The following PLCL2 variants were observed in gnomAD, a reference collection of about 807,000 sequenced individuals.
The protein encoded by PLCL2 is phospholipase C like 2, also known as inactive phospholipase C-like protein 2.
In PLCL2, 4 loss-of-function variants were observed where a neutral mutation model predicts 79.6. The observed-to-expected ratio is 0.05, with a 90% CI of 0.02 to 0.11. PLCL2 has a LOEUF of 0.11. PLCL2 is among the 10% of genes least tolerant of loss of function. The probability of loss-of-function intolerance (pLI) is 1.00; values close to 1 mark genes in which losing one functional copy is unlikely to be tolerated. For synonymous variants in PLCL2, 484 were observed against 457.7 expected, an observed-to-expected ratio of 1.06 and a Z score of -0.73; for missense variants, 895 against 1,291.0, an observed-to-expected ratio of 0.69 and a Z score of 4.70.
chr3:16,933,431 T>C (rs1697457480), intron 1 of PLCL2: 1 of 153,734 alleles, frequency 6.5e-6, no homozygotes, highest in South Asian at 2.0e-4. Context: ...AAATATGAAA[T>C]ATACTAACAA....
At position 16,885,092 on chromosome 3, in the gene PLCL2, C is replaced by T. The variant is rs1306459289; in HGVS notation, c.53C>T (p.Pro18Leu). Residue 18 changes from proline (P) to leucine (L), a missense_variant, in exon 1 of 6, where the codon CCG becomes CTG. Pro to Leu is a moderately conservative substitution (Grantham distance 98). This residue lies in a region of PLCL2 where 110 missense variants were observed against 42.9 expected (regional missense o/e 2.56). Coordinates refer to ENST00000615277, the MANE Select transcript of PLCL2 (RefSeq NM_001144382.2). ...GCCGGCGGGGCCCTGCCCACCTCCC[C>T]GGGCCCGGCCCTCGGCGCCAAGGGC... ...GAAGGALPTS[P>L]GPALGAKGAL... The T allele has an allele frequency of 2.3e-6, 1 of 432,948 alleles. No homozygotes were observed. Among genetic ancestry groups the T allele is most frequent in the African/African-American group, 2.1e-5 (1 of 48,464 alleles). The allele number at this position is 432,948 out of a possible 1,614,324, so 26.8% of individuals were successfully genotyped here.
chr3:16,917,486 A>G (rs1362440380), intron 1 of PLCL2, among the ~76,000 whole-genome samples: 1 of 152,186 alleles, frequency 6.6e-6, no homozygotes, highest in East Asian at 1.9e-4. Flanking sequence ...TGGGGCTTCA[A>G]CTAGCTGTGG....
At chr3:17,070,556 G>T (rs2065051882) in intron 5 of PLCL2, among the ~76,000 whole-genome samples, 1 of 152,202 alleles carries the variant, frequency 6.6e-6, no homozygotes, top group African/African-American at 2.4e-5. Flanking sequence ...AGTGAGGCAT[G>T]AGGAAGAATT....
At chr3:16,956,737 T>G (rs963235162) in intron 1 of PLCL2, among the ~76,000 whole-genome samples, 1 of 152,230 alleles carries the variant, frequency 6.6e-6, no homozygotes. Flanking sequence ...GAGATTCAAC[T>G]TCTTCCTGGT....
In PLCL2 at chr3:16,969,405, G is replaced by A. The variant is rs112580228; in HGVS notation, c.328-40269G>A. 7.5e-3 allele frequency among the ~76,000 whole-genome samples: 1,136 copies of A among 151,798 alleles called. 20 individuals are homozygous for A. The highest frequency in any genetic ancestry group is 0.026 in the African/African-American group (1,081 of 41,434). On this transcript the variant is annotated intron_variant, in intron 1 of 5. Coordinates refer to ENST00000615277, the MANE Select transcript of PLCL2 (RefSeq NM_001144382.2). ...TTCTAGTTCGTAGGCTTTTTATTAC[G>A]AATTCAGTTTTGGAACTTCTTTGGT...
chr3:16,983,644 A>G (rs190714880), intron 1 of PLCL2, among the ~76,000 whole-genome samples: 47 of 152,324 alleles, frequency 3.1e-4, no homozygotes, highest in African/African-American at 1.1e-3. Context: ...TCTCAAAAAA[A>G]CAAAAAAAGA....
At chr3:16,902,826 CA>C (rs777160871) in intron 1 of PLCL2, among the ~76,000 whole-genome samples, 10,237 of 73,308 alleles carry the variant, frequency 0.14, 765 homozygotes, top group African/African-American at 0.26. Context: ...CACTCCATCT[CA>C]AAAAAAAAAA....
chr3:16,966,844 T>C (rs987652594), intron 1 of PLCL2, among the ~76,000 whole-genome samples: 1 of 151,832 alleles, frequency 6.6e-6, no homozygotes, highest in African/African-American at 2.4e-5. Context: ...GTCACGGGAG[T>C]TTGATGTGCA....
At chr3:16,969,737 T>G (rs2063839697) in intron 1 of PLCL2, among the ~76,000 whole-genome samples, 1 of 152,110 alleles carries the variant, frequency 6.6e-6, no homozygotes. Context: ...TGTCTCATTT[T>G]CATCCAGTTC....
chr3:17,087,882 CTG>C (rs1218997898), intron 5 of PLCL2, among the ~76,000 whole-genome samples: 23 of 152,126 alleles, frequency 1.5e-4, no homozygotes, highest in Admixed American at 1.4e-3. Context: ...TCTATTAAAA[CTG>C]TGAATGTGTG....
At chr3:17,065,179 G>A (rs1575612380) in intron 4 of PLCL2, among the ~76,000 whole-genome samples, 1 of 152,160 alleles carries the variant, frequency 6.6e-6, no homozygotes, top group African/African-American at 2.4e-5. Flanking sequence ...TTTAAGAGGA[G>A]TAAGATAAGG....
intron 1 of PLCL2, among the ~76,000 whole-genome samples, chr3:16,973,297 C>G (rs558810536): frequency 1.3e-5 from 2 of 151,370 alleles, no homozygotes; most frequent in African/African-American, 4.9e-5. Context: ...TTTAGGAATG[C>G]TGAATATAGG....
intron 3 of PLCL2, among the ~76,000 whole-genome samples, chr3:17,031,996 T>C (rs1291345089): frequency 6.8e-6 from 1 of 147,188 alleles, no homozygotes; most frequent in Non-Finnish European, 1.5e-5. Flanking sequence ...AACTACAAGA[T>C]CAAATTCAAA....
intron 1 of PLCL2, among the ~76,000 whole-genome samples, chr3:16,945,263 T>C (rs28525023): frequency 7.1e-4 from 99 of 139,670 alleles, no homozygotes; most frequent in Admixed American, 7.0e-4. Flanking sequence ...CACACACACA[T>C]ACACACACAT....
chr3:17,039,736 A>T (rs1307117867), intron 3 of PLCL2, among the ~76,000 whole-genome samples: 1 of 152,174 alleles, frequency 6.6e-6, no homozygotes, highest in Non-Finnish European at 1.5e-5. Flanking sequence ...CCTCTAATAC[A>T]GTCTGCAAAT....
At chr3:17,020,523 C>T (rs917253674) in intron 3 of PLCL2, among the ~76,000 whole-genome samples, 6 of 151,920 alleles carry the variant, frequency 3.9e-5, no homozygotes, top group Non-Finnish European at 8.8e-5. Context: ...ATTCTCTGTA[C>T]TTTCCCTTTG....
intron 5 of PLCL2, among the ~76,000 whole-genome samples, chr3:17,085,809 C>T (rs182459019): frequency 2.0e-5 from 3 of 152,242 alleles, no homozygotes; most frequent in South Asian, 2.1e-4. Context: ...AACACATGAC[C>T]ATTTACATTA....
rs35421244 is a variant in PLCL2, at chr3:16,952,360, C to CAAAAAAAAAAAAAAAAAAAAAAA, written c.328-57305_328-57283dup. Among the ~76,000 whole-genome samples, 4 of 22,616 alleles carry CAAAAAAAAAAAAAAAAAAAAAAA rather than the reference C, an allele frequency of 1.8e-4. 1 individual carries two copies. The highest frequency in any genetic ancestry group is 1.6e-3 in the East Asian group (1 of 642). The allele number at this position is 22,616 out of a possible 152,430, so 14.8% of individuals were successfully genotyped here. A position where few individuals can be genotyped will look rare whatever the true frequency, so the allele number is the denominator to read the frequency against. ...TGCACATGTATCCCAGAACTTAAAG[C>CAAAAAAAAAAAAAAAAAAAAAAA]AAAAAAAAAAAAAAAAAAAAAAAAA... On this transcript the variant is annotated intron_variant, in intron 1 of 5. Coordinates refer to ENST00000615277, the MANE Select transcript of PLCL2 (RefSeq NM_001144382.2).
At chr3:16,935,352 T>C (rs1697514616) in intron 1 of PLCL2, among the ~76,000 whole-genome samples, 3 of 152,218 alleles carry the variant, frequency 2.0e-5, no homozygotes, top group Admixed American at 1.3e-4. Flanking sequence ...TTTATGCTTT[T>C]GTTTATATTT....
Sources: gnomAD v4.1 joint callset for allele counts (sites outside exome capture counted in the v4.1 genomes callset) on GRCh38, gnomAD v4.1.1 for gene constraint, gnomAD v4.1.1 regional missense constraint, MANE v1.5 for transcripts, NCBI Gene and HGNC (gene_info 2026-07-23, HGNC 2026-07-21) for gene names.